The following LIMD1 variants were observed in gnomAD, a reference collection of about 807,000 sequenced individuals.
The protein encoded by LIMD1 is LIM domain-containing protein 1.
A neutral mutation model predicts 58.4 loss-of-function variants in LIMD1; 23 were observed. The ratio of observed to expected loss-of-function variants is 0.39; its 90% CI spans 0.28 to 0.56. The LOEUF (loss-of-function observed/expected upper bound fraction) is 0.56. Among genes scored for constraint, LIMD1 ranks in the 20% least tolerant of loss-of-function variants. The pLI is 0.57. For missense variants in LIMD1, 838 were observed against 855.5 expected, an observed-to-expected ratio of 0.98 and a Z score of 0.25; for synonymous variants, 334 against 345.5, an observed-to-expected ratio of 0.97 and a Z score of 0.37.
chr3:45,610,061 G>A (rs1193800487), intron 1 of LIMD1, among the ~76,000 whole-genome samples: 3 of 152,118 alleles, frequency 2.0e-5, no homozygotes, highest in Non-Finnish European at 2.9e-5. Context: ...GCATGATGGC[G>A]CGCGCCTGTA....
chr3:45,666,029 C>A (rs1697513546), intron 3 of LIMD1, among the ~76,000 whole-genome samples: 2 of 152,160 alleles, frequency 1.3e-5, no homozygotes, highest in Non-Finnish European at 2.9e-5. Flanking sequence ...CTTCTCATCC[C>A]ACTCTCTCTG....
In LIMD1 at chr3:45,684,691, C is replaced by G. The variant is rs1280301527; in HGVS notation, c.*7632C>G. On this transcript the variant is annotated 3_prime_UTR_variant, in exon 8 of 8. Transcript: ENST00000273317. ...CCAGGTGTGCCATTTACATAGCCCT[C>G]GAAGAAACTGGCCATTCCACCTTGA... 1.3e-5 allele frequency: 2 copies of G among 152,116 alleles called. No individual in the cohort carries two copies. Among genetic ancestry groups the G allele is most frequent in the African/African-American group, 4.8e-5 (2 of 41,390 alleles). The allele number at this position is 152,116 out of a possible 1,614,324, so 9.4% of individuals were successfully genotyped here.
At chr3:45,659,796 A>G (rs1312889452) in intron 2 of LIMD1, among the ~76,000 whole-genome samples, 1 of 152,160 alleles carries the variant, frequency 6.6e-6, no homozygotes, top group Non-Finnish European at 1.5e-5. Flanking sequence ...TTCTTTCCCA[A>G]AGCTAAGTCT....
In LIMD1 at chr3:45,673,438, T is replaced by C; in HGVS notation, c.1773-16T>C. The C allele has an allele frequency of 6.2e-7, 1 of 1,612,756 alleles. No homozygotes were observed. Among genetic ancestry groups the C allele is most frequent in the South Asian group, 1.1e-5 (1 of 91,036 alleles). On this transcript the variant is annotated splice_polypyrimidine_tract_variant and intron_variant, in intron 5 of 7. Coordinates refer to ENST00000273317, the MANE Select transcript of LIMD1 (RefSeq NM_014240.3). The stretch of plus-strand genomic sequence containing the variant: ...CCCAGAAGCAACATTTATTGCTGCT[T>C]TGTTTCTCCCCACAGGGTGCTGGCC...
In LIMD1 at chr3:45,596,095, C is replaced by T; in HGVS notation, c.1216C>T (p.Leu406=). The T allele has an allele frequency of 6.2e-7, 1 of 1,614,198 alleles. No homozygotes were observed. The highest frequency in any genetic ancestry group is 8.5e-7 in the Non-Finnish European group (1 of 1,180,034). The change falls in exon 1 of 8, where the codon CTG becomes TTG. Residue 406 remains leucine, a synonymous_variant. Coordinates refer to ENST00000273317, the MANE Select transcript of LIMD1 (RefSeq NM_014240.3). ...LPELSCKEGP[L]GWSSDGSLGS... ...TGAGTTATCTTGTAAAGAGGGTCCC[C>T]TGGGCTGGTCTTCTGATGGTAGCCT...
chr3:45,628,416 AG>A (rs1701687631), intron 1 of LIMD1, among the ~76,000 whole-genome samples: 1 of 152,260 alleles, frequency 6.6e-6, no homozygotes, highest in Admixed American at 6.5e-5. Flanking sequence ...ACACAACATC[AG>A]TTACTAGAGA....
chr3:45,633,614 C>G lies in LIMD1; in HGVS notation c.1409-2536C>G, dbSNP rs191448025. On this transcript the variant is annotated intron_variant, in intron 1 of 7. Coordinates refer to ENST00000273317, the MANE Select transcript of LIMD1 (RefSeq NM_014240.3). ...GGTACCCTCTGTATAATTCCTTCAA[C>G]TTTTCTGCGTGTTTGAAAATGTTGA... 1.1e-4 allele frequency among the ~76,000 whole-genome samples: 17 copies of G among 152,282 alleles called. 1 individual carries two copies. The East Asian group carries it at 3.1e-3, about 28-fold the overall frequency.
At chr3:45,650,542 G>A (rs1701957865) in intron 2 of LIMD1, among the ~76,000 whole-genome samples, 2 of 117,186 alleles carry the variant, frequency 1.7e-5, no homozygotes, top group Admixed American at 1.3e-4. Context: ...CTGTGTCCAC[G>A]TGTTCTGATT....
chr3:45,636,509 A>G (rs116329537), intron 2 of LIMD1, among the ~76,000 whole-genome samples: 1 of 152,162 alleles, frequency 6.6e-6, no homozygotes. Flanking sequence ...GTGATCCCTA[A>G]TCACATCAGG....
intron 1 of LIMD1, among the ~76,000 whole-genome samples, chr3:45,626,650 A>G (rs1701670035): frequency 6.6e-6 from 1 of 152,170 alleles, no homozygotes; most frequent in Non-Finnish European, 1.5e-5. Context: ...TGCTACTGTA[A>G]TAGTAGATAC....
rs746947273 is a variant in LIMD1, at chr3:45,595,050, C to CCAGCAG, written c.185_190dup (p.Gln62_Gln63dup). On this transcript the variant is annotated inframe_insertion, in exon 1 of 8. Coordinates refer to ENST00000273317, the MANE Select transcript of LIMD1 (RefSeq NM_014240.3). ...CCACCAAGATGGCCAAAATCCACCTCCAGCAGCAGCAGCAGCAGCTCCTGC... is the reference window on the plus strand; with the variant it reads ...CCACCAAGATGGCCAAAATCCACCTCCAGCAGCAGCAGCAGCAGCAGCAGCTCCTGC... 6 of 1,613,368 alleles carry CCAGCAG rather than the reference C, an allele frequency of 3.7e-6. No homozygotes were observed. In the Admixed American group the frequency reaches 5.0e-5, roughly 13 times the overall value.
At chr3:45,619,532 A>G (rs983271115) in intron 1 of LIMD1, among the ~76,000 whole-genome samples, 1 of 152,078 alleles carries the variant, frequency 6.6e-6, no homozygotes, top group African/African-American at 2.4e-5. Context: ...GGCATGGTGG[A>G]TCACGCCTGT....
At chr3:45,674,474 C>T (rs1392247304) in intron 7 of LIMD1, 63 bp downstream of exon 7, 15 of 1,320,878 alleles carry the variant, frequency 1.1e-5, no homozygotes, top group South Asian at 8.4e-5. Flanking sequence ...AAGCATCCTG[C>T]GTTGACTGGG....
chr3:45,674,748 G>T (rs991847650), intron 7 of LIMD1, among the ~76,000 whole-genome samples: 3 of 152,138 alleles, frequency 2.0e-5, no homozygotes, highest in African/African-American at 7.2e-5. Context: ...GTGCGATTTG[G>T]GGAAGGGACT....
At chr3:45,658,535 CTTTTTTT>C (rs10572210) in intron 2 of LIMD1, among the ~76,000 whole-genome samples, 47 of 44,758 alleles carry the variant, frequency 1.1e-3, no homozygotes, top group African/African-American at 1.4e-3. Context: ...CATGCAGATT[CTTTTTTT>C]TTTTTTTTTT....
At chr3:45,617,338 C>CG in intron 1 of LIMD1, among the ~76,000 whole-genome samples, 1 of 152,300 alleles carries the variant, frequency 6.6e-6, no homozygotes, top group South Asian at 2.1e-4. Flanking sequence ...TGAGCCACTG[C>CG]ACCAGTCCAA....
At chr3:45,675,167 GC>G (rs1697650968) in intron 7 of LIMD1, among the ~76,000 whole-genome samples, 1 of 152,200 alleles carries the variant, frequency 6.6e-6, no homozygotes, top group Admixed American at 6.5e-5. Flanking sequence ...CCAGGTCACT[GC>G]AGGAGAAAAA....
At position 45,679,862 on chromosome 3, in the gene LIMD1, C is replaced by T. The variant is rs1374851566; in HGVS notation, c.*2803C>T. ...CCCCATCTGCCGTCTTGGTTCATCT[C>T]ACCACAGAAGGGCATTTAGTCCTAC... is the stretch of plus-strand genomic sequence containing the variant. On this transcript the variant is annotated 3_prime_UTR_variant, in exon 8 of 8. Coordinates refer to ENST00000273317, the MANE Select transcript of LIMD1 (RefSeq NM_014240.3). 1.3e-5 allele frequency: 2 copies of T among 152,230 alleles called. No individual in the cohort carries two copies. The highest frequency in any genetic ancestry group is 6.5e-5 in the Admixed American group (1 of 15,286). 9.4% of individuals were successfully genotyped at this position (152,230 alleles called of 1,614,324 possible).
At chr3:45,644,115 C>T (rs1701876586) in intron 2 of LIMD1, among the ~76,000 whole-genome samples, 1 of 152,168 alleles carries the variant, frequency 6.6e-6, no homozygotes, top group African/African-American at 2.4e-5. Flanking sequence ...CTAGAACACT[C>T]ACAAAATGCC....
Sources: allele counts gnomAD v4.1 joint callset (sites outside exome capture counted in the v4.1 genomes callset), GRCh38; gene constraint gnomAD v4.1.1; transcripts MANE v1.5; gene names NCBI Gene and HGNC (gene_info 2026-07-23, HGNC 2026-07-21).